The following MGAT4A variants were observed in gnomAD, a reference collection of about 807,000 sequenced individuals.
The protein encoded by MGAT4A is N-acetylglucosaminyltransferase IVa.
A neutral mutation model predicts 74.1 loss-of-function variants in MGAT4A; 33 were observed. That is an observed-to-expected ratio of 0.45 (90% CI 0.34 to 0.60). The LOEUF is 0.60. Among genes scored for constraint, MGAT4A ranks in the 20% least tolerant of loss-of-function variants. The probability of loss-of-function intolerance (pLI) is 0.02; values close to 1 mark genes in which losing one functional copy is unlikely to be tolerated. For synonymous variants in MGAT4A, 198 were observed against 210.4 expected, an observed-to-expected ratio of 0.94 and a Z score of 0.51; for missense variants, 479 against 628.3, an observed-to-expected ratio of 0.76 and a Z score of 2.54.
intron 5 of MGAT4A, among the ~76,000 whole-genome samples, chr2:98,660,663 C>T (rs1188698374): frequency 6.6e-6 from 1 of 151,966 alleles, no homozygotes; most frequent in African/African-American, 2.4e-5. Context: ...GCAAAGGTGC[C>T]AAGAACACTC....
chr2:98,627,501 G>A (rs537280524), intron 14 of MGAT4A, among the ~76,000 whole-genome samples: 10 of 151,948 alleles, frequency 6.6e-5, no homozygotes, highest in South Asian at 2.1e-4. Flanking sequence ...TCAGCCTCCC[G>A]AGCAGCTGGG....
Position 98,622,759 on chromosome 2 carries a change from G to A in MGAT4A, c.*2807C>T, listed in dbSNP as rs965393635. The A allele has an allele frequency of 3.9e-5, 38 of 985,524 alleles. No individual in the cohort carries two copies. The highest frequency in any genetic ancestry group is 4.5e-5 in the Non-Finnish European group (37 of 830,134). The allele number at this position is 985,524 out of a possible 1,614,324, so 61.0% of individuals were successfully genotyped here. A position where few individuals can be genotyped will look rare whatever the true frequency, so the allele number is the denominator to read the frequency against. On this transcript the variant is annotated 3_prime_UTR_variant, in exon 16 of 16. Coordinates refer to ENST00000393487, the MANE Select transcript of MGAT4A (RefSeq NM_012214.3). ...GCTCGCCTCAGGAACCTGAAATCTG[G>A]TCAGAGAGACAGCACACACCATACA...
chr2:98,659,986 C>G (rs1701718861), intron 5 of MGAT4A, among the ~76,000 whole-genome samples: 1 of 81,254 alleles, frequency 1.2e-5, no homozygotes, highest in Non-Finnish European at 2.2e-5. Flanking sequence ...AAAGGTATAG[C>G]TTAATCCTGG....
At chr2:98,666,868 C>T (rs1000366002) in intron 4 of MGAT4A, among the ~76,000 whole-genome samples, 7 of 152,080 alleles carry the variant, frequency 4.6e-5, no homozygotes, top group East Asian at 1.9e-4. Flanking sequence ...ACCATACTCT[C>T]GAGGGTTTTT....
intron 2 of MGAT4A, among the ~76,000 whole-genome samples, chr2:98,699,774 C>T (rs1702326006): frequency 6.6e-6 from 1 of 152,102 alleles, no homozygotes; most frequent in Non-Finnish European, 1.5e-5. Context: ...AGGCCAATCC[C>T]ATTTTTTGAG....
chr2:98,698,167 A>T (rs1702302493), intron 2 of MGAT4A, among the ~76,000 whole-genome samples: 1 of 152,194 alleles, frequency 6.6e-6, no homozygotes, highest in African/African-American at 2.4e-5. Context: ...AAATTCCAGC[A>T]CTTTGGGAGG....
chr2:98,681,681 C>T (rs372595105), intron 2 of MGAT4A, among the ~76,000 whole-genome samples: 7 of 152,212 alleles, frequency 4.6e-5, no homozygotes, highest in Non-Finnish European at 7.4e-5. Flanking sequence ...GGAGGCCGGG[C>T]GTGATAGCTC....
At chr2:98,633,425 T>A (rs1175924047) in intron 14 of MGAT4A, among the ~76,000 whole-genome samples, 1 of 152,240 alleles carries the variant, frequency 6.6e-6, no homozygotes, top group African/African-American at 2.4e-5. Context: ...GAATAAATGT[T>A]GCTCCATTTG....
chr2:98,726,401 T>C lies in MGAT4A; in HGVS notation c.-69A>G. 7 of 1,359,564 alleles carry C rather than the reference T, an allele frequency of 5.1e-6. No individual in the cohort carries two copies. The highest frequency in any genetic ancestry group is 7.2e-6 in the Non-Finnish European group (7 of 967,876). The allele number at this position is 1,359,564 out of a possible 1,614,324, so 84.2% of individuals were successfully genotyped here. ...AACCAGGACTGTTTTCTTTTTACCC[T>C]GAAAGTCAACTGAATGCAGTACTCC... On this transcript the variant is annotated 5_prime_UTR_variant, in exon 2 of 16. Coordinates refer to ENST00000393487, the MANE Select transcript of MGAT4A (RefSeq NM_012214.3).
intron 4 of MGAT4A, among the ~76,000 whole-genome samples, chr2:98,670,692 T>A (rs913398055): frequency 6.6e-6 from 1 of 152,194 alleles, no homozygotes. Context: ...TCATGACAGT[T>A]TTTTTTCTTC....
At chr2:98,631,663 C>G (rs901816677) in intron 14 of MGAT4A, among the ~76,000 whole-genome samples, 2 of 152,202 alleles carry the variant, frequency 1.3e-5, no homozygotes, top group African/African-American at 4.8e-5. Flanking sequence ...CAGCCCGACT[C>G]CAGGGGAAAA....
chr2:98,634,815 T>C (rs1218215905), intron 14 of MGAT4A, among the ~76,000 whole-genome samples: 3 of 151,238 alleles, frequency 2.0e-5, no homozygotes, highest in Middle Eastern at 3.4e-3. Context: ...TAGACGGCTA[T>C]GTGGCTGCCA....
chr2:98,714,456 A>G (rs898889204), intron 2 of MGAT4A, among the ~76,000 whole-genome samples: 1 of 152,206 alleles, frequency 6.6e-6, no homozygotes, highest in African/African-American at 2.4e-5. Context: ...CATGGACACC[A>G]CAGTATTCAA....
chr2:98,621,897 CT>C lies in MGAT4A; in HGVS notation c.*3668del. ...AACCACTGATTTGAGAAGATACACA[CT>C]TTGTTCAAGGGTATTCAACCATCTC... On this transcript the variant is annotated 3_prime_UTR_variant, in exon 16 of 16. Coordinates refer to ENST00000393487, the MANE Select transcript of MGAT4A (RefSeq NM_012214.3). 18 of 1,004,548 alleles carry C rather than the reference CT, an allele frequency of 1.8e-5. No individual in the cohort carries two copies. Among genetic ancestry groups the C allele is most frequent in the Non-Finnish European group, 2.1e-5 (18 of 841,852 alleles). The allele number at this position is 1,004,548 out of a possible 1,614,324, so 62.2% of individuals were successfully genotyped here. A position where few individuals can be genotyped will look rare whatever the true frequency, so the allele number is the denominator to read the frequency against.
intron 8 of MGAT4A, among the ~76,000 whole-genome samples, chr2:98,654,848 T>C (rs1304931899): frequency 6.6e-6 from 1 of 152,064 alleles, no homozygotes; most frequent in Non-Finnish European, 1.5e-5. Context: ...CAAAATAGTC[T>C]TAAAAAAAAG....
intron 4 of MGAT4A, among the ~76,000 whole-genome samples, chr2:98,667,384 G>C (rs958339519): frequency 4.6e-5 from 7 of 152,174 alleles, no homozygotes; most frequent in Non-Finnish European, 1.5e-5. Context: ...GGCTCAGAAG[G>C]CAGGAAAATA....
chr2:98,683,098 C>CAA (rs546453514), intron 2 of MGAT4A, among the ~76,000 whole-genome samples: 3 of 149,156 alleles, frequency 2.0e-5, no homozygotes, highest in African/African-American at 7.4e-5. Context: ...AAAAAAAAAA[C>CAA]AAAAAAAATA....
At chr2:98,643,102 A>G (rs922531921) in intron 10 of MGAT4A, among the ~76,000 whole-genome samples, 2 of 152,246 alleles carry the variant, frequency 1.3e-5, no homozygotes, top group African/African-American at 2.4e-5. Flanking sequence ...TTATGCTTAC[A>G]TCAAATAAAT....
At chr2:98,710,770 C>T (rs915296037) in intron 2 of MGAT4A, among the ~76,000 whole-genome samples, 1 of 152,074 alleles carries the variant, frequency 6.6e-6, no homozygotes, top group African/African-American at 2.4e-5. Flanking sequence ...TAATTTTTTT[C>T]TGAATTTGAA....
Sources: gnomAD v4.1 joint callset for allele counts (sites outside exome capture counted in the v4.1 genomes callset) on GRCh38, gnomAD v4.1.1 for gene constraint, MANE v1.5 for transcripts, NCBI Gene and HGNC (gene_info 2026-07-23, HGNC 2026-07-21) for gene names.